The following CD302 variants were observed in gnomAD, a reference collection of about 807,000 sequenced individuals.
CD302 encodes the protein CD302 molecule, also known as CD302 antigen.
Under a neutral mutation model 26.5 loss-of-function variants are expected in CD302, and 23 were observed. The observed-to-expected ratio is 0.87, with a 90% CI of 0.62 to 1.23. The LOEUF (loss-of-function observed/expected upper bound fraction) is 1.23. CD302 is among the 50% of genes most tolerant of loss of function. The pLI is 0.00. For synonymous variants in CD302, 90 were observed against 99.4 expected (o/e 0.91, Z 0.56); for missense variants, 290 against 275.5 (o/e 1.05, Z -0.37).
intron 1 of CD302, among the ~76,000 whole-genome samples, chr2:159,797,020 T>C (rs1487413846): frequency 1.3e-5 from 2 of 152,148 alleles, no homozygotes; most frequent in Non-Finnish European, 2.9e-5. Context: ...GCACATCTTG[T>C]TTCTGCCCCT....
chr2:159,780,339 A>G (rs1208491898), intron 3 of CD302, among the ~76,000 whole-genome samples, 161 bp from the exon 4 acceptor site: 1 of 152,220 alleles, frequency 6.6e-6, no homozygotes, highest in Non-Finnish European at 1.5e-5. Context: ...GTGTACAGCC[A>G]AATCATCAAA....
At chr2:159,785,853 A>G (rs1052833112) in intron 1 of CD302, among the ~76,000 whole-genome samples, 2 of 152,148 alleles carry the variant, frequency 1.3e-5, no homozygotes, top group Admixed American at 6.5e-5. Context: ...ACACCATCCA[A>G]TGGCAGTGTA....
At chr2:159,779,752 C>T (rs968189292) in intron 4 of CD302, among the ~76,000 whole-genome samples, 1 of 151,964 alleles carries the variant, frequency 6.6e-6, no homozygotes. Flanking sequence ...CGCAGGTGCA[C>T]GCCACCATGC....
At chr2:159,773,483 T>C (rs182501102) in intron 5 of CD302, among the ~76,000 whole-genome samples, 1 of 152,342 alleles carries the variant, frequency 6.6e-6, no homozygotes. Context: ...TAGAAAAGTC[T>C]GAAAGATCAT....
At chr2:159,791,928 C>T (rs930020359) in intron 1 of CD302, among the ~76,000 whole-genome samples, 2 of 152,206 alleles carry the variant, frequency 1.3e-5, no homozygotes, top group African/African-American at 4.8e-5. Flanking sequence ...AAGACAAATA[C>T]ATAAAATAAT....
chr2:159,777,926 A>C lies in CD302; in HGVS notation c.496+12T>G. 9.7e-7 allele frequency: 1 copy of C among 1,025,662 alleles called. No individual in the cohort carries two copies. The highest frequency in any genetic ancestry group is 1.4e-6 in the Non-Finnish European group (1 of 712,888). 63.5% of individuals were successfully genotyped at this position (1,025,662 alleles called of 1,614,324 possible). ...ATTGTGGGAAAAATTTAAAGACCAA[A>C]TCATTACTTACCTGATAAATATTTC... On this transcript the variant is annotated intron_variant, in intron 5 of 5. Coordinates refer to ENST00000259053, the MANE Select transcript of CD302 (RefSeq NM_014880.5).
At chr2:159,794,337 G>A (rs1358692305) in intron 1 of CD302, among the ~76,000 whole-genome samples, 1 of 134,612 alleles carries the variant, frequency 7.4e-6, no homozygotes, top group Non-Finnish European at 1.6e-5. Context: ...CCCACAGAAG[G>A]AATGAAATAC....
intron 1 of CD302, 98 bp downstream of exon 1, chr2:159,798,034 C>T (rs1682522841): frequency 3.4e-6 from 4 of 1,192,944 alleles, no homozygotes; most frequent in South Asian, 1.5e-5. Context: ...GTTGCGTCTG[C>T]GGGCCGCCCT....
At chr2:159,785,359 A>C (rs1708639376) in intron 1 of CD302, among the ~76,000 whole-genome samples, 1 of 152,146 alleles carries the variant, frequency 6.6e-6, no homozygotes, top group African/African-American at 2.4e-5. Flanking sequence ...CTTGGGTTTA[A>C]CTCTGGCAGG....
intron 3 of CD302, 61 bp downstream of exon 3, chr2:159,780,821 A>G: frequency 6.9e-7 from 1 of 1,447,992 alleles, no homozygotes; most frequent in South Asian, 1.2e-5. Flanking sequence ...AAAAGCCATC[A>G]GTTTTGCTAC....
At chr2:159,795,976 A>C (rs1708945271) in intron 1 of CD302, among the ~76,000 whole-genome samples, 2 of 152,236 alleles carry the variant, frequency 1.3e-5, no homozygotes, top group Admixed American at 6.5e-5. Flanking sequence ...CCTTACGGAA[A>C]AACTTTTTAA....
chr2:159,787,130 A>G (rs549942251), intron 1 of CD302, among the ~76,000 whole-genome samples: 1 of 152,190 alleles, frequency 6.6e-6, no homozygotes, highest in Admixed American at 6.5e-5. Flanking sequence ...CATTCTATGC[A>G]TACTTCTTGT....
intron 1 of CD302, among the ~76,000 whole-genome samples, chr2:159,785,296 A>T (rs927611570): frequency 4.6e-5 from 7 of 151,484 alleles, no homozygotes; most frequent in Non-Finnish European, 8.8e-5. Context: ...TTATATCCAA[A>T]TTTTTTTTCC....
chr2:159,775,809 T>C lies in CD302; in HGVS notation c.496+2129A>G, dbSNP rs559718994. ...ACCTAACCCTTGGCAAAGAGTTTCTTGGTGAGGTTGACTACTTTAGGTACC... is the reference window on the plus strand; with the variant it reads ...ACCTAACCCTTGGCAAAGAGTTTCTCGGTGAGGTTGACTACTTTAGGTACC... On this transcript the variant is annotated intron_variant, in intron 5 of 5. Transcript: ENST00000259053. Among the ~76,000 whole-genome samples, 6 of 152,276 alleles carry C rather than the reference T, an allele frequency of 3.9e-5. No individual in the cohort carries two copies. The South Asian group carries it at 1.2e-3, about 32-fold the overall frequency.
chr2:159,788,029 C>T (rs1708712703), intron 1 of CD302, among the ~76,000 whole-genome samples: 1 of 151,968 alleles, frequency 6.6e-6, no homozygotes, highest in South Asian at 2.1e-4. Context: ...ATCACTTGAA[C>T]CCAGGAGGCG....
Position 159,771,621 on chromosome 2 carries a change from C to A in CD302, c.*230G>T. 2.3e-6 allele frequency: 1 copy of A among 432,674 alleles called. No individual in the cohort carries two copies. Among genetic ancestry groups the A allele is most frequent in the East Asian group, 4.3e-5 (1 of 23,066 alleles). 26.8% of individuals were successfully genotyped at this position (432,674 alleles called of 1,614,324 possible). A position where few individuals can be genotyped will look rare whatever the true frequency, so the allele number is the denominator to read the frequency against. On this transcript the variant is annotated 3_prime_UTR_variant, in exon 6 of 6. Coordinates refer to ENST00000259053, the MANE Select transcript of CD302 (RefSeq NM_014880.5). The stretch of plus-strand genomic sequence containing the variant: ...CCTTCATTCAAGTGACAGATTCTGC[C>A]TTTGACGGGATGCTTAAAATCACTA...
Position 159,784,294 on chromosome 2 carries a change from C to A in CD302, c.68-825G>T, listed in dbSNP as rs977818032. Among the ~76,000 whole-genome samples the A allele has an allele frequency of 2.9e-5, 4 of 138,076 alleles. No individual in the cohort carries two copies. In the Admixed American group the frequency reaches 2.9e-4, roughly 10 times the overall value. 90.6% of individuals were successfully genotyped at this position (138,076 alleles called of 152,430 possible). On this transcript the variant is annotated intron_variant, in intron 1 of 5. Transcript: ENST00000259053. Reference sequence around the variant, plus strand: ...GTTAGGTTTGTATATAGGTAAAAATCTTAGTGATTTCATCTATATAAATAT... The same window carrying A: ...GTTAGGTTTGTATATAGGTAAAAATATTAGTGATTTCATCTATATAAATAT...
intron 1 of CD302, among the ~76,000 whole-genome samples, chr2:159,788,340 A>G (rs768461182): frequency 2.6e-5 from 4 of 152,156 alleles, no homozygotes; most frequent in Non-Finnish European, 4.4e-5. Context: ...ACAAATACTT[A>G]TGTTGTGCTA....
At chr2:159,796,876 G>A (rs757496889) in intron 1 of CD302, among the ~76,000 whole-genome samples, 3 of 152,152 alleles carry the variant, frequency 2.0e-5, no homozygotes, top group Admixed American at 6.5e-5. Flanking sequence ...GCACAGCCTC[G>A]CAGAGGGTGG....
Sources: gnomAD v4.1 joint callset for allele counts (sites outside exome capture counted in the v4.1 genomes callset) on GRCh38, gnomAD v4.1.1 for gene constraint, MANE v1.5 for transcripts, NCBI Gene and HGNC (gene_info 2026-07-23, HGNC 2026-07-21) for gene names.